The following CHCHD6 variants were observed in gnomAD, a reference collection of about 807,000 sequenced individuals.
The protein encoded by CHCHD6 is coiled-coil-helix-coiled-coil-helix domain containing 6.
Under a neutral mutation model 32.3 loss-of-function variants are expected in CHCHD6, and 28 were observed. That is an observed-to-expected ratio of 0.87 (90% CI 0.64 to 1.19). The LOEUF is 1.19. Among genes scored for constraint, CHCHD6 ranks in the 50% most tolerant of loss-of-function variants. The probability of loss-of-function intolerance (pLI) is 0.00; values close to 1 mark genes in which losing one functional copy is unlikely to be tolerated. For synonymous variants in CHCHD6, 122 were observed against 117.5 expected (o/e 1.04, Z -0.25); for missense variants, 333 against 307.0 (o/e 1.08, Z -0.63).
chr3:126,843,932 C>G (rs1941196745), intron 4 of CHCHD6, among the ~76,000 whole-genome samples: 1 of 152,172 alleles, frequency 6.6e-6, no homozygotes, highest in African/African-American at 2.4e-5. Flanking sequence ...TCCTCATTTG[C>G]TAATTGCATT....
intron 4 of CHCHD6, among the ~76,000 whole-genome samples, chr3:126,801,038 G>T (rs1939039635): frequency 6.6e-6 from 1 of 152,214 alleles, no homozygotes; most frequent in Non-Finnish European, 1.5e-5. Context: ...CCTCTAACAT[G>T]ACCAAAATAA....
Position 126,753,981 on chromosome 3 carries a change from G to A in CHCHD6, c.411+20759G>A, listed in dbSNP as rs573776852. Among the ~76,000 whole-genome samples, 5 of 152,130 alleles carry A rather than the reference G, an allele frequency of 3.3e-5. No individual in the cohort carries two copies. The East Asian group carries it at 5.8e-4, about 18-fold the overall frequency. On this transcript the variant is annotated intron_variant, in intron 4 of 7. Coordinates refer to ENST00000290913, the MANE Select transcript of CHCHD6 (RefSeq NM_032343.3). The stretch of plus-strand genomic sequence containing the variant: ...TGGTGTATAAATTCCATGTGGAGGC[G>A]GGGGATCCTGTTAGAATTATTCACA...
chr3:126,847,760 C>G (rs1941339533), intron 4 of CHCHD6, among the ~76,000 whole-genome samples: 1 of 151,980 alleles, frequency 6.6e-6, no homozygotes, highest in Admixed American at 6.6e-5. Flanking sequence ...TCCCCCTTTC[C>G]CACTTTCCCT....
At chr3:126,862,174 A>G (rs1482445582) in intron 5 of CHCHD6, among the ~76,000 whole-genome samples, 2 of 38,280 alleles carry the variant, frequency 5.2e-5, no homozygotes, top group African/African-American at 2.6e-4. Context: ...CACCATCACC[A>G]CCTCCTCCTC....
intron 4 of CHCHD6, among the ~76,000 whole-genome samples, chr3:126,822,169 TGTTTTATAAA>T (rs765696712): frequency 2.3e-4 from 35 of 152,318 alleles, no homozygotes; most frequent in Non-Finnish European, 1.6e-4. Flanking sequence ...GGGATTCCTG[TGTTTTATAAA>T]GCTTTATAAT....
intron 5 of CHCHD6, among the ~76,000 whole-genome samples, chr3:126,892,380 C>T (rs58576913): frequency 0.056 from 8,580 of 152,264 alleles, 305 homozygotes; most frequent in East Asian, 0.16. Context: ...GCCCAGCCCC[C>T]GACTCTATCC....
At chr3:126,734,309 G>A (rs531563806) in intron 4 of CHCHD6, among the ~76,000 whole-genome samples, 1 of 152,292 alleles carries the variant, frequency 6.6e-6, no homozygotes, top group South Asian at 2.1e-4. Context: ...GGCTGTGGGC[G>A]GCATCTAATA....
chr3:126,904,121 T>A (rs1336813282), intron 5 of CHCHD6, among the ~76,000 whole-genome samples: 3 of 152,248 alleles, frequency 2.0e-5, no homozygotes, highest in Non-Finnish European at 1.5e-5. Context: ...TTTTCTGTTA[T>A]CTTCTTATAT....
At chr3:126,813,557 T>C (rs1422205633) in intron 4 of CHCHD6, among the ~76,000 whole-genome samples, 2 of 152,206 alleles carry the variant, frequency 1.3e-5, no homozygotes, top group Non-Finnish European at 2.9e-5. Flanking sequence ...CATGAGCTCC[T>C]TGAGTCATCA....
intron 5 of CHCHD6, among the ~76,000 whole-genome samples, chr3:126,880,607 G>T (rs1013432101): frequency 1.3e-5 from 2 of 150,716 alleles, no homozygotes; most frequent in Non-Finnish European, 2.9e-5. Context: ...TCCAGGTGAT[G>T]AATAAGGATC....
chr3:126,878,884 C>G (rs1263470164), intron 5 of CHCHD6, among the ~76,000 whole-genome samples: 1 of 152,176 alleles, frequency 6.6e-6, no homozygotes, highest in Non-Finnish European at 1.5e-5. Flanking sequence ...GGCTGTGAGT[C>G]AGGAGCAGGA....
Position 126,883,007 on chromosome 3 carries a change from G to A in CHCHD6, c.495+30277G>A, listed in dbSNP as rs529701736. 2.9e-4 allele frequency among the ~76,000 whole-genome samples: 44 copies of A among 152,296 alleles called. 1 individual carries two copies. Among genetic ancestry groups the A allele is most frequent in the African/African-American group, 1.0e-3 (43 of 41,548 alleles). ...CCATACCTCTGGGGAAGGGAAAGGGGCTGAAGTTAAGTTGATGGCTGATGG... is the reference window on the plus strand; with the variant it reads ...CCATACCTCTGGGGAAGGGAAAGGGACTGAAGTTAAGTTGATGGCTGATGG... On this transcript the variant is annotated intron_variant, in intron 5 of 7. Coordinates refer to ENST00000290913, the MANE Select transcript of CHCHD6 (RefSeq NM_032343.3).
chr3:126,883,619 C>G (rs1201275318), intron 5 of CHCHD6, among the ~76,000 whole-genome samples: 2 of 152,186 alleles, frequency 1.3e-5, no homozygotes, highest in African/African-American at 4.8e-5. Context: ...AAGGCGTACT[C>G]CAAACCTTTC....
At chr3:126,713,072 C>T (rs911786528) in intron 1 of CHCHD6, among the ~76,000 whole-genome samples, 1 of 152,220 alleles carries the variant, frequency 6.6e-6, no homozygotes, top group African/African-American at 2.4e-5. Flanking sequence ...ACTCTCAGTT[C>T]AGGCCTATAC....
intron 4 of CHCHD6, among the ~76,000 whole-genome samples, chr3:126,788,124 T>C (rs1195753639): frequency 6.6e-6 from 1 of 152,172 alleles, no homozygotes; most frequent in East Asian, 1.9e-4. Flanking sequence ...TGATGGATTA[T>C]GTTTATTGAT....
intron 5 of CHCHD6, among the ~76,000 whole-genome samples, chr3:126,882,077 C>T (rs1432694941): frequency 4.6e-5 from 7 of 152,158 alleles, no homozygotes; most frequent in African/African-American, 1.4e-4. Context: ...TTTGTTATCT[C>T]GGAACTCCAA....
chr3:126,768,280 C>G (rs573084005), intron 4 of CHCHD6, among the ~76,000 whole-genome samples: 1 of 152,126 alleles, frequency 6.6e-6, no homozygotes, highest in Non-Finnish European at 1.5e-5. Context: ...CTCTCTCTCT[C>G]GCTCCTGCTT....
intron 4 of CHCHD6, among the ~76,000 whole-genome samples, chr3:126,749,158 TG>T (rs1936623985): frequency 6.6e-6 from 1 of 151,868 alleles, no homozygotes; most frequent in Non-Finnish European, 1.5e-5. Context: ...GAACAGTGGG[TG>T]GGGACTCATG....
In CHCHD6 at chr3:126,727,180, C is replaced by T; in HGVS notation, c.190C>T (p.His64Tyr). The T allele has an allele frequency of 6.9e-6, 11 of 1,599,852 alleles. No homozygotes were observed. The highest frequency in any genetic ancestry group is 9.4e-6 in the Non-Finnish European group (11 of 1,166,970). The stretch of plus-strand genomic sequence containing the variant: ...TCAAGATGGCAACTTGAGAGCCCCT[C>T]ACAAAGGTATGGGGATTGTGACAGT... Reference protein sequence around the residue: ...GLQDGNLRAPHKESTLPRSGS... With the variant: ...GLQDGNLRAPYKESTLPRSGS... The change falls in exon 2 of 8, where the codon CAC (histidine) becomes TAC (tyrosine). Residue 64 changes from histidine (H) to tyrosine (Y), a missense_variant. By Grantham distance (83) the His-to-Tyr change is moderately conservative. Coordinates refer to ENST00000290913, the MANE Select transcript of CHCHD6 (RefSeq NM_032343.3).
Sources: allele counts gnomAD v4.1 joint callset (sites outside exome capture counted in the v4.1 genomes callset), GRCh38; gene constraint gnomAD v4.1.1; transcripts MANE v1.5; gene names NCBI Gene and HGNC (gene_info 2026-07-23, HGNC 2026-07-21).